ATL3: variants seen among roughly 807,000 people sequenced by gnomAD.
The protein encoded by ATL3 is atlastin GTPase 3.
ATL3 carries 49 observed loss-of-function variants against 69.5 expected under a neutral mutation model. The observed-to-expected ratio is 0.71, with a 90% CI of 0.56 to 0.89. ATL3 has a LOEUF of 0.89. ATL3 is among the 40% of genes least tolerant of loss of function. The probability of loss-of-function intolerance (pLI) is 0.00; values close to 1 mark genes in which losing one functional copy is unlikely to be tolerated. For missense variants in ATL3, 606 were observed against 645.7 expected (o/e 0.94, Z 0.67); for synonymous variants, 214 against 224.1 (o/e 0.95, Z 0.40).
At chr11:63,655,177 T>C (rs991935059) in intron 3 of ATL3, among the ~76,000 whole-genome samples, 1 of 152,170 alleles carries the variant, frequency 6.6e-6, no homozygotes, top group South Asian at 2.1e-4. Context: ...AACCAGAGTG[T>C]TGTTATTCCT....
rs1939107340 is a variant in ATL3 at position 63,626,210 on chromosome 11, C to A, written c.*3109G>T. On this transcript the variant is annotated 3_prime_UTR_variant, in exon 13 of 13. Transcript: ENST00000398868. ...GCCTGGCCAACATGGCAAAACCCCACCTCTAGTAAAAAAACAAAAATTAGC... is the reference window on the plus strand; with the variant it reads ...GCCTGGCCAACATGGCAAAACCCCAACTCTAGTAAAAAAACAAAAATTAGC... 1 of 151,992 alleles carries A rather than the reference C, an allele frequency of 6.6e-6. No homozygotes were observed. Among genetic ancestry groups the A allele is most frequent in the Non-Finnish European group, 1.5e-5 (1 of 68,068 alleles). 9.4% of individuals were successfully genotyped at this position (151,992 alleles called of 1,614,324 possible). A position where few individuals can be genotyped will look rare whatever the true frequency, so the allele number is the denominator to read the frequency against.
chr11:63,628,230 T>TG lies in ATL3; in HGVS notation c.*1088dup. ...GTTCATTTAAACTTAGCTTTTTTCTTGAAGTATCTAGCGCATTCCTTTTAT... is the reference window on the plus strand; with the variant it reads ...GTTCATTTAAACTTAGCTTTTTTCTTGGAAGTATCTAGCGCATTCCTTTTAT... On this transcript the variant is annotated 3_prime_UTR_variant, in exon 13 of 13. Coordinates refer to ENST00000398868, the MANE Select transcript of ATL3 (RefSeq NM_015459.5). 1.3e-5 allele frequency: 2 copies of TG among 152,152 alleles called. No homozygotes were observed. The highest frequency in any genetic ancestry group is 6.8e-3 in the Middle Eastern group (2 of 294). 9.4% of individuals were successfully genotyped at this position (152,152 alleles called of 1,614,324 possible).
chr11:63,652,873 T>C (rs1156353128), intron 3 of ATL3, among the ~76,000 whole-genome samples: 1 of 152,152 alleles, frequency 6.6e-6, no homozygotes, highest in East Asian at 1.9e-4. Context: ...TTTGGATGTT[T>C]CCTGTTGTTG....
intron 1 of ATL3, among the ~76,000 whole-genome samples, chr11:63,668,876 A>T (rs1283108960): frequency 7.0e-6 from 1 of 142,368 alleles, no homozygotes; most frequent in Non-Finnish European, 1.5e-5. Flanking sequence ...GGCTCACTGC[A>T]GAAAAAAGAA....
At chr11:63,644,565 T>C (rs967632419) in intron 6 of ATL3, among the ~76,000 whole-genome samples, 11 of 152,058 alleles carry the variant, frequency 7.2e-5, no homozygotes, top group South Asian at 2.1e-4. Context: ...TATTTTTTAA[T>C]TTTTTTATAT....
At chr11:63,666,046 T>C (rs1229080169) in intron 1 of ATL3, among the ~76,000 whole-genome samples, 2 of 151,988 alleles carry the variant, frequency 1.3e-5, no homozygotes, top group East Asian at 1.9e-4. Context: ...GGTGGTGCAA[T>C]CATGGTTCAC....
At chr11:63,644,380 AC>A (rs1046889665) in intron 6 of ATL3, 119 bp from the exon 7 acceptor site, 6 of 468,584 alleles carry the variant, frequency 1.3e-5, no homozygotes, top group South Asian at 5.5e-5. Flanking sequence ...AGAAGGATTT[AC>A]CTTTTTTTTT....
At chr11:63,635,029 G>A (rs1011291329) in intron 10 of ATL3, among the ~76,000 whole-genome samples, 23 of 152,010 alleles carry the variant, frequency 1.5e-4, no homozygotes, top group Non-Finnish European at 2.9e-4. Flanking sequence ...AGGCATGGTG[G>A]TACATGCCTA....
chr11:63,631,613 G>T, intron 11 of ATL3, 142 bp from the exon 12 acceptor site: 2 of 763,296 alleles, frequency 2.6e-6, no homozygotes, highest in Non-Finnish European at 4.1e-6. Context: ...AGATGACTAA[G>T]ACCAATAAAG....
intron 1 of ATL3, among the ~76,000 whole-genome samples, chr11:63,668,790 CTTTT>C (rs386373974): frequency 6.1e-5 from 5 of 81,490 alleles, no homozygotes; most frequent in African/African-American, 1.9e-4. Context: ...AGCTGTGTTC[CTTTT>C]TTTTTTTTTT....
chr11:63,645,665 A>C (rs1224245615), intron 6 of ATL3, among the ~76,000 whole-genome samples: 1 of 152,088 alleles, frequency 6.6e-6, no homozygotes, highest in Non-Finnish European at 1.5e-5. Context: ...ATCATGGCTC[A>C]CTGCAGCCTT....
chr11:63,636,154 G>A (rs930513568), intron 9 of ATL3, 53 bp downstream of exon 9: 2 of 1,574,386 alleles, frequency 1.3e-6, no homozygotes, highest in Admixed American at 4.0e-5. Context: ...ATTTACGAGT[G>A]AGATCAGCTT....
Position 63,633,526 on chromosome 11 carries a change from G to A in ATL3, c.1036-429C>T, listed in dbSNP as rs569589400. On this transcript the variant is annotated intron_variant, in intron 10 of 12. Coordinates refer to ENST00000398868, the MANE Select transcript of ATL3 (RefSeq NM_015459.5). Reference sequence around the variant, plus strand: ...ATGCAAGCCATCCTCCTGCCAGTGCGTGCCACCACGCTTGGCTAACTTTTT... The same window carrying A: ...ATGCAAGCCATCCTCCTGCCAGTGCATGCCACCACGCTTGGCTAACTTTTT... Among the ~76,000 whole-genome samples, 5 of 151,744 alleles carry A rather than the reference G, an allele frequency of 3.3e-5. No individual in the cohort carries two copies. In the South Asian group the frequency reaches 6.2e-4, roughly 19 times the overall value.
At chr11:63,632,952 C>G in intron 11 of ATL3, 74 bp downstream of exon 11, 1 of 1,356,072 alleles carries the variant, frequency 7.4e-7, no homozygotes, top group Non-Finnish European at 1.1e-6. Context: ...TAAGTAGGAT[C>G]AAGTTGGGCT....
At chr11:63,637,060 C>T (rs574985094) in intron 8 of ATL3, among the ~76,000 whole-genome samples, 10 of 151,992 alleles carry the variant, frequency 6.6e-5, no homozygotes, top group African/African-American at 2.2e-4. Flanking sequence ...GGGTGGATCA[C>T]GAGGTCAGGA....
rs1939036493 is a variant in ATL3 at position 63,624,422 on chromosome 11, A to C, written c.*4897T>G. 1 of 152,202 alleles carries C rather than the reference A, an allele frequency of 6.6e-6. No homozygotes were observed. The highest frequency in any genetic ancestry group is 1.5e-5 in the Non-Finnish European group (1 of 68,044). 9.4% of individuals were successfully genotyped at this position (152,202 alleles called of 1,614,324 possible). ...AACATTTAAACTGTAGTTCTGGCAC[A>C]CGAAATTTGCCCCAAAGAAAAATGT... On this transcript the variant is annotated 3_prime_UTR_variant, in exon 13 of 13. Coordinates refer to ENST00000398868, the MANE Select transcript of ATL3 (RefSeq NM_015459.5).
chr11:63,667,351 A>G (rs1217835933), intron 1 of ATL3, among the ~76,000 whole-genome samples: 2 of 150,654 alleles, frequency 1.3e-5, no homozygotes, highest in Admixed American at 1.3e-4. Flanking sequence ...TTTTTTTGAG[A>G]CAGATTCTTG....
intron 8 of ATL3, among the ~76,000 whole-genome samples, chr11:63,639,618 AG>A (rs1335882068): frequency 6.6e-6 from 1 of 152,162 alleles, no homozygotes; most frequent in Non-Finnish European, 1.5e-5. Context: ...AGCCAGGCAT[AG>A]TGGTGCATGC....
At chr11:63,655,522 A>G (rs1940213904) in intron 3 of ATL3, among the ~76,000 whole-genome samples, 1 of 148,202 alleles carries the variant, frequency 6.7e-6, no homozygotes, top group Non-Finnish European at 1.5e-5. Context: ...ATCTCGGCTC[A>G]CTGCAACCTC....
Sources: allele counts gnomAD v4.1 joint callset (sites outside exome capture counted in the v4.1 genomes callset), GRCh38; gene constraint gnomAD v4.1.1; transcripts MANE v1.5; gene names NCBI Gene and HGNC (gene_info 2026-07-23, HGNC 2026-07-21).